CAMKK2: variants seen among roughly 807,000 people sequenced by gnomAD.
CAMKK2 encodes the protein calcium/calmodulin dependent protein kinase kinase 2.
Under a neutral mutation model 67.2 loss-of-function variants are expected in CAMKK2, and 30 were observed. The ratio of observed to expected loss-of-function variants is 0.45; its 90% CI spans 0.33 to 0.61. The LOEUF (loss-of-function observed/expected upper bound fraction) is 0.61. Ranked by LOEUF, CAMKK2 falls within the 20% of genes least tolerant of loss-of-function variation. CAMKK2 has a pLI of 0.02. For missense variants in CAMKK2, 643 were observed against 802.0 expected, an observed-to-expected ratio of 0.80 and a Z score of 2.39; for synonymous variants, 322 against 326.2, an observed-to-expected ratio of 0.99 and a Z score of 0.14.
At position 121,274,490 on chromosome 12, in the gene CAMKK2, G is replaced by C. The variant is rs747254221; in HGVS notation, c.37C>G (p.Arg13Gly). The C allele has an allele frequency of 1.2e-6, 2 of 1,612,428 alleles. No individual in the cohort carries two copies. Among genetic ancestry groups the C allele is most frequent in the Admixed American group, 1.7e-5 (1 of 59,856 alleles). Residue 13 changes from arginine (R) to glycine (G), a missense_variant, in exon 2 of 17, where the codon CGG (arginine) becomes GGG (glycine). Physicochemically the swap from Arg to Gly is moderately radical, Grantham distance 125. Coordinates refer to ENST00000404169, the MANE Select transcript of CAMKK2 (RefSeq NM_001270485.2). ...SCVSSQPSSN[R>G]AAPQDELGGR... ...CCCAGCTCATCCTGGGGGGCGGCCC[G>C]GTTGCTGCTGGGCTGGCTAGAGACA...
intron 14 of CAMKK2, among the ~76,000 whole-genome samples, chr12:121,247,221 T>C (rs983272410): frequency 6.6e-6 from 1 of 152,110 alleles, no homozygotes; most frequent in African/African-American, 2.4e-5. Context: ...ATTAGGGGCA[T>C]GTCCTGTGGT....
Position 121,274,217 on chromosome 12 carries a change from G to A in CAMKK2, c.310C>T (p.Arg104Trp), listed in dbSNP as rs200809684. 2.7e-5 allele frequency: 44 copies of A among 1,605,262 alleles called. No homozygotes were observed. The highest frequency in any genetic ancestry group is 3.0e-5 in the Non-Finnish European group (35 of 1,174,382). Residue 104 changes from arginine to tryptophan, a missense_variant, in exon 2 of 17, where the codon CGG (arginine) becomes TGG (tryptophan). Around this residue, in one of 3 missense-constraint regions of CAMKK2, gnomAD observed 483 missense variants for 625.8 expected, o/e 0.77. Coordinates refer to ENST00000404169, the MANE Select transcript of CAMKK2 (RefSeq NM_001270485.2). Reference sequence around the variant, plus strand: ...CCGGCTGCCAGCCCACCCTGGGACCGCTCTTGCAGAGACAGCTTGCGACCG... The same window carrying A: ...CCGGCTGCCAGCCCACCCTGGGACCACTCTTGCAGAGACAGCTTGCGACCG... Reference protein sequence around the residue: ...LSGRKLSLQERSQGGLAAGGS... With the variant: ...LSGRKLSLQEWSQGGLAAGGS...
At chr12:121,244,716 A>G in intron 15 of CAMKK2, 101 bp from the exon 16 acceptor site, 1 of 911,330 alleles carries the variant, frequency 1.1e-6, no homozygotes, top group Non-Finnish European at 1.7e-6. Flanking sequence ...CCCAAACACC[A>G]GCTTCATAGA....
Position 121,268,099 on chromosome 12 carries a change from T to TATATATATAC in CAMKK2, c.625+538_625+539insGTATATATAT, listed in dbSNP as rs755449965. Among the ~76,000 whole-genome samples the TATATATATAC allele has an allele frequency of 4.2e-5, 6 of 143,474 alleles. 1 individual carries two copies. Among genetic ancestry groups the TATATATATAC allele is most frequent in the South Asian group, 2.2e-4 (1 of 4,506 alleles). 94.1% of individuals were successfully genotyped at this position (143,474 alleles called of 152,430 possible). A position where few individuals can be genotyped will look rare whatever the true frequency, so the allele number is the denominator to read the frequency against. ...CATTGGATGCATATATATATATATA[T>TATATATATAC]ACTCTATTCATATTACTTTTAATGG... On this transcript the variant is annotated intron_variant, in intron 5 of 16. Transcript: ENST00000404169.
Position 121,252,721 on chromosome 12 carries a change from GAA to G in CAMKK2, c.1108-9_1108-8del. On this transcript the variant is annotated splice_polypyrimidine_tract_variant and splice_region_variant and intron_variant, in intron 10 of 16. Transcript: ENST00000404169. Reference sequence around the variant, plus strand: ...TGGCCCAAACATCCAAGGCCTGCAAGAAAAAGAGCTTAGTGTGAGGGCATAAG... The same window carrying G: ...TGGCCCAAACATCCAAGGCCTGCAAGAAAGAGCTTAGTGTGAGGGCATAAG... 1 of 1,614,040 alleles carries G rather than the reference GAA, an allele frequency of 6.2e-7. No homozygotes were observed. Among genetic ancestry groups the G allele is most frequent in the South Asian group, 1.1e-5 (1 of 91,074 alleles).
At chr12:121,289,144 C>T (rs1899431856) in intron 1 of CAMKK2, among the ~76,000 whole-genome samples, 1 of 152,028 alleles carries the variant, frequency 6.6e-6, no homozygotes, top group Admixed American at 6.6e-5. Context: ...CACTCTGCCC[C>T]GTTTCCGTCA....
At position 121,296,045 on chromosome 12, in the gene CAMKK2, T is replaced by C. The variant is rs1019467460; in HGVS notation, c.-60+593A>G. On this transcript the variant is annotated intron_variant, in intron 1 of 16. Transcript: ENST00000404169. The surrounding 1 kb of genome is among the most constrained non-coding windows in gnomAD (Gnocchi z 7.1). ...ATTTAGGTCAGAAGGACCAAGCCTG[T>C]GAGGCTCCGGCTGAGAGAAGAGGTG... Among the ~76,000 whole-genome samples the C allele has an allele frequency of 2.0e-5, 3 of 152,126 alleles. No individual in the cohort carries two copies. The highest frequency in any genetic ancestry group is 4.4e-5 in the Non-Finnish European group (3 of 68,004).
intron 2 of CAMKK2, among the ~76,000 whole-genome samples, chr12:121,273,178 G>A (rs117453172): frequency 0.02 from 3,054 of 152,238 alleles, 46 homozygotes; most frequent in Non-Finnish European, 0.031. Flanking sequence ...GGGTGCTTTA[G>A]GGATGGTGGC....
chr12:121,275,805 T>G (rs1045710090), intron 1 of CAMKK2, among the ~76,000 whole-genome samples: 2 of 152,168 alleles, frequency 1.3e-5, no homozygotes, highest in African/African-American at 4.8e-5. Flanking sequence ...GTGAACGTAC[T>G]AAATGCCACT....
At position 121,255,263 on chromosome 12, in the gene CAMKK2, TTTATATATATATAATTATATATATAA is replaced by T. The variant is rs1891768973; in HGVS notation, c.907+261_907+286del. 1.7e-4 allele frequency among the ~76,000 whole-genome samples: 4 copies of T among 23,130 alleles called. 1 individual carries two copies. The highest frequency in any genetic ancestry group is 4.8e-4 in the African/African-American group (3 of 6,274). The allele number at this position is 23,130 out of a possible 152,430, so 15.2% of individuals were successfully genotyped here. ...ATATATATATAATTATATATATAAT[TTTATATATATATAATTATATATATAA>T]TTATATATATAATTTTATATATAAT... On this transcript the variant is annotated intron_variant, in intron 9 of 16. Coordinates refer to ENST00000404169, the MANE Select transcript of CAMKK2 (RefSeq NM_001270485.2).
chr12:121,240,582 A>ACGAT lies in CAMKK2; in HGVS notation c.*113_*116dup. ...AGGAAAAAACAAATAACCAGAGATG[A>ACGAT]CGATCGAGGCTCTACACACGTGCTG... On this transcript the variant is annotated 3_prime_UTR_variant, in exon 17 of 17. Coordinates refer to ENST00000404169, the MANE Select transcript of CAMKK2 (RefSeq NM_001270485.2). This position sits in a 1 kb window ranked among gnomAD's most constrained non-coding sequence, Gnocchi z 4.4. 6.5e-7 allele frequency: 1 copy of ACGAT among 1,531,626 alleles called. No individual in the cohort carries two copies. The allele number at this position is 1,531,626 out of a possible 1,614,324, so 94.9% of individuals were successfully genotyped here. A position where few individuals can be genotyped will look rare whatever the true frequency, so the allele number is the denominator to read the frequency against.
At chr12:121,252,290 C>G (rs2668249) in intron 11 of CAMKK2, among the ~76,000 whole-genome samples, 4 of 152,058 alleles carry the variant, frequency 2.6e-5, no homozygotes, top group African/African-American at 7.2e-5. Context: ...TTTTTTGAGA[C>G]GGAGTCTCGC....
At chr12:121,290,713 A>C (rs77693898) in intron 1 of CAMKK2, among the ~76,000 whole-genome samples, 23,138 of 152,158 alleles carry the variant, frequency 0.15, 3,305 homozygotes, top group African/African-American at 0.37. Context: ...AATCATCGTA[A>C]CTGAAAAGAA....
At chr12:121,265,689 C>T (rs1439745150) in intron 5 of CAMKK2, among the ~76,000 whole-genome samples, 2 of 152,028 alleles carry the variant, frequency 1.3e-5, no homozygotes, top group African/African-American at 4.8e-5. Context: ...CAAACCCCGT[C>T]TCTACTAAAA....
intron 14 of CAMKK2, among the ~76,000 whole-genome samples, chr12:121,247,377 G>A (rs1467487765): frequency 6.6e-6 from 1 of 152,168 alleles, no homozygotes; most frequent in South Asian, 2.1e-4. Context: ...TTCAACAAGT[G>A]TTTCCCGTAT....
At chr12:121,281,585 A>G (rs1354190263) in intron 1 of CAMKK2, among the ~76,000 whole-genome samples, 1 of 152,258 alleles carries the variant, frequency 6.6e-6, no homozygotes. Flanking sequence ...CGTGCTGGAT[A>G]AACAAAACAG....
rs1166238984 is a variant in CAMKK2, at chr12:121,249,978, G to A, written c.1218C>T (p.Ala406=). The A allele has an allele frequency of 5.6e-6, 9 of 1,614,088 alleles. No individual in the cohort carries two copies. The South Asian group carries it at 6.6e-5, about 12-fold the overall frequency. Residue 406 remains alanine, a synonymous_variant, in exon 12 of 17, where the codon GCC becomes GCT. Transcript: ENST00000404169. ...MCLHSKIKSQ[A]LEFPDQPDIA... is the part of the protein sequence containing the mutation. ...ATACTCACTGGTCTGGAAATTCCAG[G>A]GCCTGACTCTTGATCTTACTGTGTA...
rs1321701885 is a variant in CAMKK2 at position 121,274,036 on chromosome 12, C to G, written c.471+20G>C. On this transcript the variant is annotated intron_variant, in intron 2 of 16. Coordinates refer to ENST00000404169, the MANE Select transcript of CAMKK2 (RefSeq NM_001270485.2). ...GGCACCAGGGACCCCTAGGACCTGG[C>G]TCACCACCGGCTCACGCACCTGCAT... 2.1e-6 allele frequency: 3 copies of G among 1,458,886 alleles called. No individual in the cohort carries two copies. The African/African-American group carries it at 4.2e-5, about 21-fold the overall frequency. The allele number at this position is 1,458,886 out of a possible 1,614,324, so 90.4% of individuals were successfully genotyped here.
intron 14 of CAMKK2, among the ~76,000 whole-genome samples, chr12:121,247,254 A>G (rs1035785849): frequency 1.3e-5 from 2 of 151,808 alleles, no homozygotes; most frequent in Non-Finnish European, 2.9e-5. Flanking sequence ...CTGTACATAC[A>G]TTTGTTGGTT....
Sources: allele counts gnomAD v4.1 joint callset (sites outside exome capture counted in the v4.1 genomes callset), GRCh38; gene constraint gnomAD v4.1.1; regional missense constraint gnomAD v4.1.1; non-coding constraint Gnocchi (gnomAD v3.1); transcripts MANE v1.5; gene names NCBI Gene and HGNC (gene_info 2026-07-23, HGNC 2026-07-21).